KLHL32: variants seen among roughly 807,000 people sequenced by gnomAD.
KLHL32 encodes kelch like family member 32, also known as kelch-like protein 32.
KLHL32 carries 35 observed loss-of-function variants against 64.8 expected under a neutral mutation model. The observed-to-expected ratio is 0.54, with a 90% CI of 0.41 to 0.72. The LOEUF is 0.72. Among genes scored for constraint, KLHL32 ranks in the 30% least tolerant of loss-of-function variants. The pLI, the probability that KLHL32 is intolerant of heterozygous loss-of-function variation, is 0.00. For synonymous variants in KLHL32, 259 were observed against 281.0 expected (o/e 0.92, Z 0.78); for missense variants, 589 against 768.5 (o/e 0.77, Z 2.76).
At chr6:97,097,349 T>C (rs560128129) in intron 6 of KLHL32, among the ~76,000 whole-genome samples, 1 of 152,340 alleles carries the variant, frequency 6.6e-6, no homozygotes, top group South Asian at 2.1e-4. Context: ...GCTGCTGTGA[T>C]AATGAAAGGT....
intron 3 of KLHL32, among the ~76,000 whole-genome samples, chr6:97,009,438 C>T (rs1780089873): frequency 6.6e-6 from 1 of 152,072 alleles, no homozygotes; most frequent in African/African-American, 2.4e-5. Context: ...TCTTCACTAT[C>T]GACACTTTAG....
At chr6:96,975,935 G>C (rs1192596801) in intron 2 of KLHL32, 62 bp from the exon 3 acceptor site, 15 of 1,369,416 alleles carry the variant, frequency 1.1e-5, no homozygotes, top group East Asian at 2.5e-5. Context: ...AGGAATGAGA[G>C]AGCAGCTGGC....
intron 2 of KLHL32, among the ~76,000 whole-genome samples, 165 bp downstream of exon 2, chr6:96,967,248 G>T (rs1196029374): frequency 6.6e-6 from 1 of 152,126 alleles, no homozygotes; most frequent in Non-Finnish European, 1.5e-5. Flanking sequence ...AGGACTAACT[G>T]CTGTGACCTA....
chr6:97,132,364 C>T (rs1180330015), intron 9 of KLHL32, among the ~76,000 whole-genome samples: 1 of 152,170 alleles, frequency 6.6e-6, no homozygotes, highest in Non-Finnish European at 1.5e-5. Context: ...TGTGACATAG[C>T]ATAGAATTCA....
intron 1 of KLHL32, among the ~76,000 whole-genome samples, chr6:96,956,706 C>T (rs575985202): frequency 1.3e-5 from 2 of 152,080 alleles, no homozygotes; most frequent in Non-Finnish European, 2.9e-5. Context: ...TGCTGAGCCT[C>T]TCCTTTTTCT....
At chr6:97,010,653 G>T (rs1780294238) in intron 3 of KLHL32, among the ~76,000 whole-genome samples, 1 of 152,156 alleles carries the variant, frequency 6.6e-6, no homozygotes, top group African/African-American at 2.4e-5. Context: ...ATATTCTGCT[G>T]TGTGTTGTAT....
In KLHL32 at chr6:96,975,566, C is replaced by T. The variant is rs118185523; in HGVS notation, c.24-431C>T. Among the ~76,000 whole-genome samples the T allele has an allele frequency of 9.0e-3, 1,371 of 152,164 alleles. 9 individuals carry two copies. Among genetic ancestry groups the T allele is most frequent in the Non-Finnish European group, 0.015 (1,002 of 68,020 alleles). ...TAAGGTACAAAGGTGGGGAAGGAAT[C>T]AGGGAATTAGAGAGAGGGGACAGAG... On this transcript the variant is annotated intron_variant, in intron 2 of 10. Transcript: ENST00000369261.
intron 3 of KLHL32, among the ~76,000 whole-genome samples, chr6:97,000,809 T>G (rs1778935413): frequency 6.6e-6 from 1 of 152,170 alleles, no homozygotes; most frequent in African/African-American, 2.4e-5. Flanking sequence ...GGTGAATAGG[T>G]AAACTATGCT....
At chr6:96,905,017 T>C in the KLHL32 span, among the ~76,000 whole-genome samples, 1 of 152,200 alleles carries the variant, frequency 6.6e-6, no homozygotes, top group East Asian at 1.9e-4. Flanking sequence ...TCCCTCCATG[T>C]CCTCATGAAC....
rs565580984 is a variant in KLHL32, at chr6:97,022,262, C to T, written c.205-19230C>T. On this transcript the variant is annotated intron_variant, in intron 3 of 10. Coordinates refer to ENST00000369261, the MANE Select transcript of KLHL32 (RefSeq NM_052904.4). ...ATCATCTGTCATCCCTCCTACAACT[C>T]TCAACCTCCGTCCATTCCAGTCACA... Among the ~76,000 whole-genome samples the T allele has an allele frequency of 1.0e-3, 157 of 150,868 alleles. 14 individuals carry two copies. Among genetic ancestry groups the T allele is most frequent in the African/African-American group, 3.7e-3 (149 of 40,200 alleles).
chr6:96,959,757 C>T (rs554952026), intron 1 of KLHL32, among the ~76,000 whole-genome samples: 1 of 152,242 alleles, frequency 6.6e-6, no homozygotes, highest in Non-Finnish European at 1.5e-5. Context: ...CCTTTGGTTT[C>T]TATGGATCAG....
Position 96,982,157 on chromosome 6 carries a change from G to A in KLHL32, c.204+5980G>A, listed in dbSNP as rs570024807. Among the ~76,000 whole-genome samples, 3 of 152,214 alleles carry A rather than the reference G, an allele frequency of 2.0e-5. No individual in the cohort carries two copies. The South Asian group carries it at 6.2e-4, about 32-fold the overall frequency. On this transcript the variant is annotated intron_variant, in intron 3 of 10. Coordinates refer to ENST00000369261, the MANE Select transcript of KLHL32 (RefSeq NM_052904.4). ...CTAATAGTATCAGTGAGGTGTTGAAGTCTCCCAGTATTATTATGTGGTTAT... is the reference window on the plus strand; with the variant it reads ...CTAATAGTATCAGTGAGGTGTTGAAATCTCCCAGTATTATTATGTGGTTAT...
intron 3 of KLHL32, among the ~76,000 whole-genome samples, chr6:97,023,729 A>G (rs1338169136): frequency 6.6e-6 from 1 of 152,182 alleles, no homozygotes; most frequent in African/African-American, 2.4e-5. Context: ...CTAGTTCTAC[A>G]TGGATAGTAT....
chr6:96,932,161 C>G (rs1015148469), intron 1 of KLHL32, among the ~76,000 whole-genome samples: 1 of 148,498 alleles, frequency 6.7e-6, no homozygotes, highest in Non-Finnish European at 1.5e-5. Context: ...ATTCACTAGT[C>G]TTTCCTAGCC....
chr6:96,989,857 T>C (rs991547127), intron 3 of KLHL32, among the ~76,000 whole-genome samples: 1 of 152,218 alleles, frequency 6.6e-6, no homozygotes, highest in African/African-American at 2.4e-5. Flanking sequence ...TGAGATTCTC[T>C]CCTCAGCTTG....
intron 3 of KLHL32, among the ~76,000 whole-genome samples, chr6:97,006,760 G>C (rs1000941305): frequency 6.6e-6 from 1 of 152,108 alleles, no homozygotes; most frequent in African/African-American, 2.4e-5. Flanking sequence ...AACTTAGTTT[G>C]GTTAGGTATG....
intron 6 of KLHL32, among the ~76,000 whole-genome samples, chr6:97,109,497 AT>A (rs1237035792): frequency 6.6e-6 from 1 of 152,238 alleles, no homozygotes; most frequent in Non-Finnish European, 1.5e-5. Flanking sequence ...CAAACCAGAA[AT>A]TAATCAGTAA....
At chr6:96,994,698 C>T in intron 3 of KLHL32, 3 of 896,974 alleles carry the variant, frequency 3.3e-6, no homozygotes, top group Non-Finnish European at 4.0e-6. Context: ...GTGATCATCA[C>T]CATTTTAAAA....
At chr6:97,007,778 A>T (rs1377142903) in intron 3 of KLHL32, among the ~76,000 whole-genome samples, 1 of 152,094 alleles carries the variant, frequency 6.6e-6, no homozygotes, top group African/African-American at 2.4e-5. Flanking sequence ...CTCCTGGACT[A>T]TGTGCTCTAA....
Sources: allele counts gnomAD v4.1 joint callset (sites outside exome capture counted in the v4.1 genomes callset), GRCh38; gene constraint gnomAD v4.1.1; transcripts MANE v1.5; gene names NCBI Gene and HGNC (gene_info 2026-07-23, HGNC 2026-07-21).